ADAMTSL2: variants seen among roughly 807,000 people sequenced by gnomAD.
ADAMTSL2 encodes ADAMTS like 2.
ADAMTSL2 carries 55 observed loss-of-function variants against 117.0 expected under a neutral mutation model. That is an observed-to-expected ratio of 0.47 (90% CI 0.38 to 0.59). The LOEUF (loss-of-function observed/expected upper bound fraction) is 0.59, where lower values mean the gene tolerates loss of function less well. ADAMTSL2 is among the 20% of genes least tolerant of loss of function. ADAMTSL2 has a pLI of 0.00. For missense variants in ADAMTSL2, 1,182 were observed against 1,354.5 expected (o/e 0.87, Z 2.00); for synonymous variants, 572 against 566.4 (o/e 1.01, Z -0.14).
At chr9:133,555,133 C>T (rs1168881109) in intron 10 of ADAMTSL2, among the ~76,000 whole-genome samples, 7 of 152,124 alleles carry the variant, frequency 4.6e-5, no homozygotes, top group Non-Finnish European at 8.8e-5. Flanking sequence ...ACTCCAGCCT[C>T]TGCCTTTGTC....
chr9:133,568,867 C>T, intron 15 of ADAMTSL2, 109 bp downstream of exon 15: 1 of 1,402,778 alleles, frequency 7.1e-7, no homozygotes, highest in African/African-American at 1.4e-5. Context: ...GGTGTGAGGT[C>T]AAGAATGTCC....
rs1476821817 is a variant in ADAMTSL2 at position 133,557,725 on chromosome 9, G to A, written c.1649+1795G>A. On this transcript the variant is annotated intron_variant, in intron 11 of 18. Coordinates refer to ENST00000651351, the MANE Select transcript of ADAMTSL2 (RefSeq NM_014694.4). The surrounding 1 kb of genome is among the most constrained non-coding windows in gnomAD (Gnocchi z 5.2). ...CCCACGGTAAGGCCTCCAGTAAGTAGAAGCTATTAGTAGAAAACTGAGCCT... is the reference window on the plus strand; with the variant it reads ...CCCACGGTAAGGCCTCCAGTAAGTAAAAGCTATTAGTAGAAAACTGAGCCT... Among the ~76,000 whole-genome samples, 1 of 152,212 alleles carries A rather than the reference G, an allele frequency of 6.6e-6. No individual in the cohort carries two copies. Among genetic ancestry groups the A allele is most frequent in the Admixed American group, 6.5e-5 (1 of 15,286 alleles).
chr9:133,552,271 G>A (rs1830504894), intron 9 of ADAMTSL2, among the ~76,000 whole-genome samples: 2 of 152,126 alleles, frequency 1.3e-5, no homozygotes, highest in South Asian at 2.1e-4. Flanking sequence ...TGTCTGGTAC[G>A]CCCTAGCCCG....
In ADAMTSL2 at chr9:133,536,608, G is replaced by T; in HGVS notation, c.-105G>T. On this transcript the variant is annotated 5_prime_UTR_variant, in exon 2 of 19. Transcript: ENST00000651351. The stretch of plus-strand genomic sequence containing the variant: ...CCAACTAGTCCCAGATAACCTTGAG[G>T]CCTGGGCACTGGCTGGGCCCCGAGG... The T allele has an allele frequency of 6.2e-7, 1 of 1,612,534 alleles. No homozygotes were observed. The highest frequency in any genetic ancestry group is 8.5e-7 in the Non-Finnish European group (1 of 1,179,302).
intron 7 of ADAMTSL2, among the ~76,000 whole-genome samples, chr9:133,542,641 T>C (rs1255488181): frequency 6.6e-6 from 1 of 152,168 alleles, no homozygotes; most frequent in Admixed American, 6.5e-5. Flanking sequence ...TTACTGTTGC[T>C]GAAATATACA....
At chr9:133,539,653 A>ACGGCTGTCCTGGCTGTCC (rs1554810789) in intron 4 of ADAMTSL2, 118 bp from the exon 5 acceptor site, 17 of 687,780 alleles carry the variant, frequency 2.5e-5, no homozygotes, top group Non-Finnish European at 3.5e-5. Flanking sequence ...TGGCCCCCGC[A>ACGGCTGTCCTGGCTGTCC]CGGCTGTCCC....
Position 133,555,931 on chromosome 9 carries a change from G to T in ADAMTSL2, c.1649+1G>T. 6.2e-7 allele frequency: 1 copy of T among 1,610,404 alleles called. No homozygotes were observed. The highest frequency in any genetic ancestry group is 8.5e-7 in the Non-Finnish European group (1 of 1,179,742). ...CCGGGAACAGGACTCACAAGGCCAG[G>T]TAGGAGGCACTTTCCTGAGCCCTGT... On this transcript the variant is annotated splice_donor_variant, in intron 11 of 18. Coordinates refer to ENST00000651351, the MANE Select transcript of ADAMTSL2 (RefSeq NM_014694.4). LOFTEE classifies it high-confidence loss of function.
chr9:133,573,731 C>A (rs916887939), intron 17 of ADAMTSL2, 112 bp from the exon 18 acceptor site: 2 of 1,402,762 alleles, frequency 1.4e-6, no homozygotes, highest in Admixed American at 3.6e-5. Context: ...GACTCATGGC[C>A]GCCTGGGAAG....
In ADAMTSL2 at chr9:133,568,359, C is replaced by G. The variant is rs1271433762; in HGVS notation, c.1961C>G (p.Ser654Trp). ...FRVVRCWKML[S>W]PGFDSSVYSD... ...GTCGTGCGCTGCTGGAAGATGCTCTCGCCCGGCTTCGACAGCTCCGTGTAC... is the reference window on the plus strand; with the variant it reads ...GTCGTGCGCTGCTGGAAGATGCTCTGGCCCGGCTTCGACAGCTCCGTGTAC... The change falls in exon 14 of 19, where the codon TCG becomes TGG. Residue 654 changes from serine (S) to tryptophan (W), a missense_variant. By Grantham distance (177) the Ser-to-Trp change is radical. Coordinates refer to ENST00000651351, the MANE Select transcript of ADAMTSL2 (RefSeq NM_014694.4). 1 of 1,595,366 alleles carries G rather than the reference C, an allele frequency of 6.3e-7. No individual in the cohort carries two copies. Among genetic ancestry groups the G allele is most frequent in the African/African-American group, 1.3e-5 (1 of 74,688 alleles).
intron 7 of ADAMTSL2, among the ~76,000 whole-genome samples, chr9:133,541,620 G>A (rs547349614): frequency 1.4e-4 from 22 of 152,288 alleles, no homozygotes; most frequent in Middle Eastern, 3.4e-3. Context: ...AGAAACTAAG[G>A]CCCAAGACCC....
Position 133,554,252 on chromosome 9 carries a change from C to T in ADAMTSL2, c.940-105C>T. The T allele has an allele frequency of 9.5e-7, 1 of 1,051,864 alleles. No homozygotes were observed. The highest frequency in any genetic ancestry group is 2.4e-5 in the Admixed American group (1 of 41,788). The allele number at this position is 1,051,864 out of a possible 1,614,324, so 65.2% of individuals were successfully genotyped here. ...TCATTCCCTGAGGGGGCTCAACTGC[C>T]AGTCACAGCAGGGAACGCACCCTGC... On this transcript the variant is annotated intron_variant, in intron 9 of 18. Transcript: ENST00000651351. The surrounding 1 kb of genome is among the most constrained non-coding windows in gnomAD (Gnocchi z 5.2).
chr9:133,535,526 T>A (rs1830031532), intron 1 of ADAMTSL2, among the ~76,000 whole-genome samples: 1 of 152,126 alleles, frequency 6.6e-6, no homozygotes, highest in Admixed American at 6.5e-5. Context: ...TCAAGTTGGA[T>A]GGAGGCTGCT....
At chr9:133,553,284 C>A (rs1393272566) in intron 9 of ADAMTSL2, among the ~76,000 whole-genome samples, 3 of 152,102 alleles carry the variant, frequency 2.0e-5, no homozygotes, top group African/African-American at 4.8e-5. Flanking sequence ...TGGTCTCTGT[C>A]CTGGGCATAG....
chr9:133,536,652 C>A lies in ADAMTSL2; in HGVS notation c.-61C>A. The A allele has an allele frequency of 3.1e-6, 5 of 1,614,092 alleles. No individual in the cohort carries two copies. The highest frequency in any genetic ancestry group is 4.2e-6 in the Non-Finnish European group (5 of 1,180,022). On this transcript the variant is annotated 5_prime_UTR_variant, in exon 2 of 19. Coordinates refer to ENST00000651351, the MANE Select transcript of ADAMTSL2 (RefSeq NM_014694.4). ...CCCGAGGGCTCTTCCCAAAGCGTAC[C>A]CTGGTCATCTGGAAGAGGATCGGAG...
intron 13 of ADAMTSL2, among the ~76,000 whole-genome samples, chr9:133,568,061 G>A (rs1400235989): frequency 1.3e-5 from 2 of 152,236 alleles, no homozygotes; most frequent in South Asian, 2.1e-4. Flanking sequence ...CAACCACCTT[G>A]CTAAGGTGCT....
At chr9:133,539,350 A>T (rs1385690958) in intron 4 of ADAMTSL2, among the ~76,000 whole-genome samples, 1 of 152,048 alleles carries the variant, frequency 6.6e-6, no homozygotes, top group Non-Finnish European at 1.5e-5. Flanking sequence ...GATCTTCCTG[A>T]TTTACGCAGT....
At chr9:133,570,771 C>T (rs909227410) in intron 17 of ADAMTSL2, among the ~76,000 whole-genome samples, 1 of 152,216 alleles carries the variant, frequency 6.6e-6, no homozygotes, top group Non-Finnish European at 1.5e-5. Flanking sequence ...GGAACTCCGG[C>T]CTCGAATTGT....
chr9:133,572,627 G>T (rs1831133969), intron 17 of ADAMTSL2, among the ~76,000 whole-genome samples: 4 of 152,076 alleles, frequency 2.6e-5, no homozygotes, highest in African/African-American at 9.7e-5. Context: ...GGCACGGGGG[G>T]AGCCATGAAG....
chr9:133,551,179 G>T (rs1409337332), intron 9 of ADAMTSL2, among the ~76,000 whole-genome samples: 1 of 152,178 alleles, frequency 6.6e-6, no homozygotes, highest in Non-Finnish European at 1.5e-5. Flanking sequence ...TTCCAGGCCA[G>T]TCCTGGATGG....
Sources: allele counts gnomAD v4.1 joint callset (sites outside exome capture counted in the v4.1 genomes callset), GRCh38; gene constraint gnomAD v4.1.1; non-coding constraint Gnocchi (gnomAD v3.1); transcripts MANE v1.5; gene names NCBI Gene and HGNC (gene_info 2026-07-23, HGNC 2026-07-21).